Variants in ASAP1 observed in about 807,000 individuals in gnomAD.
ASAP1 encodes the protein ArfGAP with SH3 domain, ankyrin repeat and PH domain 1.
In ASAP1, 43 loss-of-function variants were observed where a neutral mutation model predicts 145.2. That is an observed-to-expected ratio of 0.30 (90% CI 0.23 to 0.38). The LOEUF is 0.38. Ranked by LOEUF, ASAP1 falls within the 10% of genes least tolerant of loss-of-function variation. The pLI is 1.00. For synonymous variants in ASAP1, 546 were observed against 515.5 expected, an observed-to-expected ratio of 1.06 and a Z score of -0.80; for missense variants, 1,018 against 1,355.3, an observed-to-expected ratio of 0.75 and a Z score of 3.91.
At chr8:130,255,457 A>G (rs573965759) in intron 3 of ASAP1, among the ~76,000 whole-genome samples, 2 of 152,130 alleles carry the variant, frequency 1.3e-5, no homozygotes, top group East Asian at 1.9e-4. Flanking sequence ...TAACCTTTGC[A>G]TATTTTTTTT....
At chr8:130,155,662 T>C (rs1466693894) in intron 12 of ASAP1, among the ~76,000 whole-genome samples, 2 of 152,332 alleles carry the variant, frequency 1.3e-5, no homozygotes, top group African/African-American at 4.8e-5. Context: ...CTGATCTTTG[T>C]GAACATTTTG....
intron 3 of ASAP1, among the ~76,000 whole-genome samples, chr8:130,295,938 T>C (rs933911072): frequency 1.3e-5 from 2 of 152,220 alleles, no homozygotes; most frequent in Non-Finnish European, 2.9e-5. Context: ...CCCATCATCT[T>C]TGCCTCTCAA....
At chr8:130,223,390 C>G (rs1347004963) in intron 4 of ASAP1, among the ~76,000 whole-genome samples, 1 of 152,130 alleles carries the variant, frequency 6.6e-6, no homozygotes, top group Non-Finnish European at 1.5e-5. Context: ...GGGACAATGC[C>G]TATAAGGAAC....
Position 130,168,998 on chromosome 8 carries a change from T to C in ASAP1, c.816A>G (p.Leu272=). The C allele has an allele frequency of 6.4e-7, 1 of 1,570,940 alleles. No homozygotes were observed. Among genetic ancestry groups the C allele is most frequent in the Non-Finnish European group, 8.6e-7 (1 of 1,160,408 alleles). The change falls in exon 10 of 30, where the codon TTA becomes TTG. Residue 272 remains leucine (L), a synonymous_variant. Coordinates refer to ENST00000518721, the MANE Select transcript of ASAP1 (RefSeq NM_018482.4). ...KQYIEKLAAD[L]YNIKQTQDEE... The stretch of plus-strand genomic sequence containing the variant: ...TATTTTATAAAGAACTTACATTATA[T>C]AAATCAGCAGCCAGTTTTTCAATGT...
chr8:130,099,682 T>C (rs1030739746), intron 24 of ASAP1, among the ~76,000 whole-genome samples: 1 of 62,556 alleles, frequency 1.6e-5, no homozygotes, highest in African/African-American at 1.1e-4. Context: ...ATTTCATTCT[T>C]TTTTTTTTTT....
At chr8:130,344,915 G>GT (rs1825614899) in intron 3 of ASAP1, among the ~76,000 whole-genome samples, 2 of 152,100 alleles carry the variant, frequency 1.3e-5, no homozygotes, top group Admixed American at 1.3e-4. Flanking sequence ...AATAAAACCC[G>GT]TATGTTTTAG....
intron 2 of ASAP1, among the ~76,000 whole-genome samples, chr8:130,390,124 T>C (rs1828207265): frequency 6.6e-6 from 1 of 152,200 alleles, no homozygotes; most frequent in Admixed American, 6.5e-5. Flanking sequence ...CCCACATGCA[T>C]ATTCAAGCAT....
At chr8:130,078,420 G>A (rs550500207) in intron 26 of ASAP1, among the ~76,000 whole-genome samples, 9 of 151,964 alleles carry the variant, frequency 5.9e-5, no homozygotes, top group East Asian at 1.9e-4. Context: ...TCAGCCTCCC[G>A]TATAGCCAGG....
intron 3 of ASAP1, among the ~76,000 whole-genome samples, chr8:130,357,094 C>T (rs931056023): frequency 1.3e-5 from 2 of 152,188 alleles, no homozygotes; most frequent in Non-Finnish European, 2.9e-5. Context: ...TATCGTGGCC[C>T]CAGAGGCTTC....
At chr8:130,060,112 G>A (rs1449854201) in intron 28 of ASAP1, among the ~76,000 whole-genome samples, 1 of 144,636 alleles carries the variant, frequency 6.9e-6, no homozygotes, top group African/African-American at 2.6e-5. Context: ...AAAATAGAGA[G>A]AGAGAGAAAA....
intron 12 of ASAP1, among the ~76,000 whole-genome samples, chr8:130,159,300 G>GC (rs2097664383): frequency 6.6e-6 from 1 of 152,052 alleles, no homozygotes; most frequent in Non-Finnish European, 1.5e-5. Context: ...GGCCTGGTGA[G>GC]CAACAGGCAG....
At chr8:130,365,029 C>T (rs962951929) in intron 2 of ASAP1, among the ~76,000 whole-genome samples, 1 of 152,118 alleles carries the variant, frequency 6.6e-6, no homozygotes, top group Middle Eastern at 3.2e-3. Flanking sequence ...CCGCAAAGTC[C>T]CAGACTATCA....
chr8:130,135,944 T>C (rs1309292906), intron 14 of ASAP1, among the ~76,000 whole-genome samples: 1 of 152,214 alleles, frequency 6.6e-6, no homozygotes, highest in African/African-American at 2.4e-5. Context: ...CTCTATCTTT[T>C]GGGTCAGGAC....
intron 4 of ASAP1, among the ~76,000 whole-genome samples, chr8:130,231,059 C>T (rs1817884372): frequency 6.6e-6 from 1 of 152,126 alleles, no homozygotes; most frequent in African/African-American, 2.4e-5. Context: ...GCTTCCTATC[C>T]ACTGATAAAT....
At chr8:130,073,401 A>C (rs867245902) in intron 27 of ASAP1, among the ~76,000 whole-genome samples, 1 of 151,978 alleles carries the variant, frequency 6.6e-6, no homozygotes, top group Admixed American at 6.6e-5. Context: ...AAAAAAAAAA[A>C]AAAACAAATA....
chr8:130,402,895 T>G (rs1828858814), intron 1 of ASAP1, among the ~76,000 whole-genome samples: 1 of 149,184 alleles, frequency 6.7e-6, no homozygotes, highest in South Asian at 2.1e-4. Flanking sequence ...TCTTCCATGC[T>G]GAAAGCAGAA....
chr8:130,304,362 C>T (rs1160757963), intron 3 of ASAP1, among the ~76,000 whole-genome samples: 2 of 152,104 alleles, frequency 1.3e-5, no homozygotes, highest in African/African-American at 4.8e-5. Flanking sequence ...GAAAGTCTGA[C>T]ACATTCACCC....
chr8:130,290,061 C>T (rs1293979870), intron 3 of ASAP1, among the ~76,000 whole-genome samples: 1 of 152,108 alleles, frequency 6.6e-6, no homozygotes, highest in Non-Finnish European at 1.5e-5. Flanking sequence ...TGGCAACGGC[C>T]CGAGAGGTGT....
At chr8:130,113,162 A>G (rs1040085690) in intron 23 of ASAP1, among the ~76,000 whole-genome samples, 7 of 152,182 alleles carry the variant, frequency 4.6e-5, no homozygotes, top group Non-Finnish European at 8.8e-5. Flanking sequence ...ACAAAAACCC[A>G]AAGGCCAAAC....
Sources: gnomAD v4.1 joint callset for allele counts (sites outside exome capture counted in the v4.1 genomes callset) on GRCh38, gnomAD v4.1.1 for gene constraint, MANE v1.5 for transcripts, NCBI Gene and HGNC (gene_info 2026-07-23, HGNC 2026-07-21) for gene names.